Variants in ZNRF1 observed in about 807,000 individuals in gnomAD.
The protein encoded by ZNRF1 is E3 ubiquitin-protein ligase ZNRF1.
A neutral mutation model predicts 18.4 loss-of-function variants in ZNRF1; 3 were observed. The ratio of observed to expected loss-of-function variants is 0.16; its 90% confidence interval spans 0.07 to 0.42. The LOEUF (loss-of-function observed/expected upper bound fraction) is 0.42. ZNRF1 is among the 10% of genes least tolerant of loss of function. The pLI, the probability that ZNRF1 is intolerant of heterozygous loss-of-function variation, is 0.99. For missense variants in ZNRF1, 310 were observed against 329.8 expected (o/e 0.94, Z 0.47); for synonymous variants, 157 against 144.2 (o/e 1.09, Z -0.64).
At chr16:75,047,830 G>A (rs1233382617) in intron 1 of ZNRF1, among the ~76,000 whole-genome samples, 6 of 152,132 alleles carry the variant, frequency 3.9e-5, no homozygotes, top group Non-Finnish European at 5.9e-5. Context: ...CATGGCGGCC[G>A]AGATCAAGGT....
At chr16:75,010,606 A>G (rs187013006) in intron 1 of ZNRF1, among the ~76,000 whole-genome samples, 6 of 152,080 alleles carry the variant, frequency 3.9e-5, no homozygotes, top group Admixed American at 1.3e-4. Flanking sequence ...GAGTGCTCCA[A>G]CTTTCTTGTT....
chr16:75,039,674 G>T (rs2035417901), intron 1 of ZNRF1, among the ~76,000 whole-genome samples: 1 of 152,212 alleles, frequency 6.6e-6, no homozygotes, highest in African/African-American at 2.4e-5. Flanking sequence ...TAGGAATGCA[G>T]ATTTATGGGC....
chr16:75,029,775 A>G (rs902307220), intron 1 of ZNRF1, among the ~76,000 whole-genome samples: 1 of 149,038 alleles, frequency 6.7e-6, no homozygotes, highest in African/African-American at 2.5e-5. Flanking sequence ...TCTCAGAACA[A>G]ACAAACAAAA....
intron 1 of ZNRF1, among the ~76,000 whole-genome samples, chr16:75,081,590 A>C (rs2036013267): frequency 1.3e-5 from 2 of 152,218 alleles, no homozygotes; most frequent in Admixed American, 1.3e-4. Flanking sequence ...CCACACCAGC[A>C]GCAGCAGTGG....
chr16:75,061,942 G>A (rs2035749563), intron 1 of ZNRF1, among the ~76,000 whole-genome samples: 2 of 152,236 alleles, frequency 1.3e-5, no homozygotes, highest in South Asian at 4.1e-4. Context: ...CCAAGAGCCT[G>A]CTGCCGAGAC....
chr16:75,070,467 C>T (rs73614075), intron 1 of ZNRF1, among the ~76,000 whole-genome samples: 3,549 of 152,290 alleles, frequency 0.023, 162 homozygotes, highest in African/African-American at 0.082. Context: ...ACCTTGCCCC[C>T]GATCCTGCTT....
chr16:75,060,052 GTTTTC>G (rs1025166815), intron 1 of ZNRF1, among the ~76,000 whole-genome samples: 3 of 151,884 alleles, frequency 2.0e-5, no homozygotes, highest in Admixed American at 6.6e-5. Context: ...TGAAGTGACA[GTTTTC>G]TTTTCTTTTT....
intron 1 of ZNRF1, among the ~76,000 whole-genome samples, chr16:75,060,843 A>G (rs900938996): frequency 3.3e-5 from 5 of 151,916 alleles, no homozygotes; most frequent in Non-Finnish European, 7.4e-5. Flanking sequence ...GGTCATCTCT[A>G]TTTCTCCCCT....
At chr16:75,028,358 A>T (rs530501690) in intron 1 of ZNRF1, among the ~76,000 whole-genome samples, 1 of 152,308 alleles carries the variant, frequency 6.6e-6, no homozygotes, top group East Asian at 1.9e-4. Flanking sequence ...CAATGGCGTG[A>T]TGTCGGCTCA....
At chr16:75,008,018 A>G (rs2034945155) in intron 1 of ZNRF1, among the ~76,000 whole-genome samples, 1 of 152,096 alleles carries the variant, frequency 6.6e-6, no homozygotes, top group Non-Finnish European at 1.5e-5. Context: ...ATGCTATGCT[A>G]CCATGACCAG....
intron 2 of ZNRF1, among the ~76,000 whole-genome samples, chr16:75,101,306 A>G (rs1218811795): frequency 6.6e-6 from 1 of 152,242 alleles, no homozygotes; most frequent in African/African-American, 2.4e-5. Context: ...CTGTAATCTC[A>G]GCACTTTGGG....
intron 1 of ZNRF1, among the ~76,000 whole-genome samples, chr16:75,037,420 C>T (rs771948458): frequency 2.0e-5 from 3 of 152,168 alleles, no homozygotes; most frequent in Non-Finnish European, 2.9e-5. Flanking sequence ...GCAATCTAGT[C>T]TCTGCCTCCT....
rs181887285 is a variant in ZNRF1, at chr16:75,021,301, G to A, written c.424+21206G>A. ...TGATCCATCTGCCTCGGCCTCCCAC[G>A]ATGCTGGGATTACAGGCGTGAGCCA... is the stretch of plus-strand genomic sequence containing the variant. On this transcript the variant is annotated intron_variant, in intron 1 of 4. Transcript: ENST00000335325. Among the ~76,000 whole-genome samples, 883 of 151,984 alleles carry A rather than the reference G, an allele frequency of 5.8e-3. 2 individuals carry two copies. Among genetic ancestry groups the A allele is most frequent in the African/African-American group, 0.02 (844 of 41,448 alleles).
intron 1 of ZNRF1, among the ~76,000 whole-genome samples, chr16:75,085,719 A>C (rs1567491131): frequency 6.6e-6 from 1 of 151,402 alleles, no homozygotes; most frequent in Non-Finnish European, 1.5e-5. Flanking sequence ...CTAGTCCTTT[A>C]AAGTTTTTGT....
intron 1 of ZNRF1, among the ~76,000 whole-genome samples, chr16:75,077,961 A>G (rs1050489910): frequency 6.6e-6 from 1 of 152,240 alleles, no homozygotes; most frequent in South Asian, 2.1e-4. Flanking sequence ...TATTCATCAC[A>G]TCTGCCAAGT....
chr16:75,049,032 T>A (rs539063565), intron 1 of ZNRF1, among the ~76,000 whole-genome samples: 15 of 151,684 alleles, frequency 9.9e-5, no homozygotes, highest in African/African-American at 3.4e-4. Context: ...AGATGGAGTC[T>A]CTCACTTTGT....
intron 1 of ZNRF1, among the ~76,000 whole-genome samples, chr16:75,050,081 A>G (rs2035573161): frequency 6.6e-6 from 1 of 152,216 alleles, no homozygotes; most frequent in Admixed American, 6.5e-5. Flanking sequence ...AAATGGAATC[A>G]TAGGGCATGT....
At chr16:75,003,080 A>C (rs2034873780) in intron 1 of ZNRF1, among the ~76,000 whole-genome samples, 2 of 152,100 alleles carry the variant, frequency 1.3e-5, no homozygotes, top group Non-Finnish European at 2.9e-5. Flanking sequence ...CAGCCTCCCG[A>C]GTAGCTGGGA....
chr16:75,083,169 G>A (rs2036035225), intron 1 of ZNRF1, among the ~76,000 whole-genome samples: 1 of 152,098 alleles, frequency 6.6e-6, no homozygotes, highest in Non-Finnish European at 1.5e-5. Flanking sequence ...TTTGCCTGAA[G>A]AATTTGTGAA....
Sources: allele counts gnomAD v4.1 joint callset (sites outside exome capture counted in the v4.1 genomes callset), GRCh38; gene constraint gnomAD v4.1.1; transcripts MANE v1.5; gene names NCBI Gene and HGNC (gene_info 2026-07-23, HGNC 2026-07-21).